The following SBF2 variants were observed in gnomAD, a reference collection of about 807,000 sequenced individuals.
SBF2 encodes myotubularin-related protein 13.
SBF2 carries 112 observed loss-of-function variants against 225.2 expected under a neutral mutation model. The observed-to-expected ratio is 0.50, with a 90% CI of 0.43 to 0.58. The LOEUF is 0.58. SBF2 is among the 20% of genes least tolerant of loss of function. The pLI is 0.00. For synonymous variants in SBF2, 763 were observed against 773.3 expected, an observed-to-expected ratio of 0.99 and a Z score of 0.22; for missense variants, 1,996 against 2,206.2, an observed-to-expected ratio of 0.90 and a Z score of 1.91.
At chr11:9,932,956 G>GAAA (rs1590510467) in intron 16 of SBF2, among the ~76,000 whole-genome samples, 1 of 5,386 alleles carries the variant, frequency 1.9e-4, no homozygotes, top group East Asian at 9.1e-3. Flanking sequence ...CAAACGAAAA[G>GAAA]CAAAAAAAAA....
chr11:9,961,398 C>G (rs1251501160), intron 16 of SBF2: 1 of 152,470 alleles, frequency 6.6e-6, no homozygotes, highest in Non-Finnish European at 1.5e-5. Flanking sequence ...CATAGACTCT[C>G]TAACAAGGGA....
At chr11:10,013,262 G>T (rs777608038) in intron 6 of SBF2, among the ~76,000 whole-genome samples, 22 of 152,066 alleles carry the variant, frequency 1.4e-4, no homozygotes, top group Non-Finnish European at 2.6e-4. Context: ...TACTTTTACC[G>T]ATAATGATGC....
At chr11:10,033,582 C>T (rs1474373201) in intron 3 of SBF2, among the ~76,000 whole-genome samples, 2 of 151,978 alleles carry the variant, frequency 1.3e-5, no homozygotes, top group African/African-American at 4.8e-5. Context: ...TTCAATATCT[C>T]TCCTATAAGA....
chr11:9,940,431 A>G (rs1189081289), intron 16 of SBF2, among the ~76,000 whole-genome samples: 1 of 152,180 alleles, frequency 6.6e-6, no homozygotes, highest in Non-Finnish European at 1.5e-5. Context: ...TAAAGTACAT[A>G]CTATGCTAAA....
chr11:10,207,311 T>G (rs1030998912), intron 1 of SBF2, among the ~76,000 whole-genome samples: 1 of 151,896 alleles, frequency 6.6e-6, no homozygotes, highest in Non-Finnish European at 1.5e-5. Flanking sequence ...CAAAAAAAAC[T>G]ACACTAACAT....
intron 16 of SBF2, among the ~76,000 whole-genome samples, chr11:9,946,260 A>AT (rs1169945208): frequency 1.3e-5 from 2 of 152,192 alleles, no homozygotes; most frequent in African/African-American, 4.8e-5. Flanking sequence ...CCATACAAAA[A>AT]TGAAATCACG....
chr11:10,219,278 C>T (rs1958250597), intron 1 of SBF2, among the ~76,000 whole-genome samples: 1 of 152,232 alleles, frequency 6.6e-6, no homozygotes, highest in Non-Finnish European at 1.5e-5. Flanking sequence ...GCTGCCAAGG[C>T]TTGAGGCTTG....
intron 2 of SBF2, among the ~76,000 whole-genome samples, chr11:10,099,816 C>G (rs1379620897): frequency 6.6e-6 from 1 of 151,414 alleles, no homozygotes; most frequent in Non-Finnish European, 1.5e-5. Context: ...CTTATGAAAA[C>G]CAAACACACA....
At chr11:9,921,927 G>A (rs1863662684) in intron 16 of SBF2, among the ~76,000 whole-genome samples, 2 of 152,180 alleles carry the variant, frequency 1.3e-5, no homozygotes, top group Admixed American at 1.3e-4. Context: ...TTATAGAAGA[G>A]GGAGTGATTC....
At chr11:10,103,474 T>C (rs1050612777) in intron 2 of SBF2, among the ~76,000 whole-genome samples, 1 of 152,218 alleles carries the variant, frequency 6.6e-6, no homozygotes, top group Non-Finnish European at 1.5e-5. Context: ...TGACTTAGTA[T>C]ATGGTACCAG....
At chr11:10,069,423 CTT>C (rs1317778209) in intron 2 of SBF2, among the ~76,000 whole-genome samples, 1 of 149,236 alleles carries the variant, frequency 6.7e-6, no homozygotes, top group Non-Finnish European at 1.5e-5. Context: ...GGTTTTCTGT[CTT>C]TGTTACAGTT....
chr11:9,785,154 G>A lies in SBF2; in HGVS notation c.5202C>T (p.Ser1734=), dbSNP rs1852286523. 7 of 1,613,358 alleles carry A rather than the reference G, an allele frequency of 4.3e-6. No individual in the cohort carries two copies. Among genetic ancestry groups the A allele is most frequent in the Non-Finnish European group, 4.2e-6 (5 of 1,180,032 alleles). ...TTTCATCATTCTTGGATGTATACTG[G>A]CTATAGAGCGTGGCTGCTCTTCGCT... The part of the protein sequence containing the change: ...GVERRAATLY[S]QYTSKNDENR... Residue 1734 remains serine, a synonymous_variant, in exon 37 of 40, where the codon AGC becomes AGT. Coordinates refer to ENST00000256190, the MANE Select transcript of SBF2 (RefSeq NM_030962.4).
intron 1 of SBF2, among the ~76,000 whole-genome samples, chr11:10,237,765 C>T (rs1959134066): frequency 6.6e-6 from 1 of 152,200 alleles, no homozygotes; most frequent in Non-Finnish European, 1.5e-5. Flanking sequence ...TTGCCTTCTA[C>T]CTGTTCCTAC....
intron 17 of SBF2, among the ~76,000 whole-genome samples, chr11:9,885,068 T>C (rs915529338): frequency 6.6e-6 from 1 of 151,660 alleles, no homozygotes; most frequent in Non-Finnish European, 1.5e-5. Flanking sequence ...CTGGCCAACA[T>C]GGTAAAACCC....
intron 1 of SBF2, among the ~76,000 whole-genome samples, chr11:10,248,702 A>T (rs1960037179): frequency 6.6e-6 from 1 of 152,240 alleles, no homozygotes; most frequent in Non-Finnish European, 1.5e-5. Context: ...GGGAATGTGA[A>T]TTTTTTGCCT....
At chr11:10,165,837 T>A (rs1955926611) in intron 2 of SBF2, among the ~76,000 whole-genome samples, 1 of 152,226 alleles carries the variant, frequency 6.6e-6, no homozygotes, top group Admixed American at 6.5e-5. Context: ...AATATGTATG[T>A]ATTTTAATAC....
At chr11:10,174,860 C>T (rs1956382920) in intron 2 of SBF2, among the ~76,000 whole-genome samples, 1 of 151,158 alleles carries the variant, frequency 6.6e-6, no homozygotes, top group Non-Finnish European at 1.5e-5. Context: ...CAATATTCAA[C>T]ATTCTTAAAG....
intron 2 of SBF2, among the ~76,000 whole-genome samples, chr11:10,107,828 T>G (rs1952617714): frequency 6.6e-6 from 1 of 152,208 alleles, no homozygotes; most frequent in Non-Finnish European, 1.5e-5. Flanking sequence ...CAAAGATGGT[T>G]TTTTTCCAAA....
chr11:9,908,751 G>C (rs949455002), intron 16 of SBF2, among the ~76,000 whole-genome samples: 18 of 152,084 alleles, frequency 1.2e-4, no homozygotes, highest in African/African-American at 3.4e-4. Flanking sequence ...AGGCTGAAGT[G>C]CGGTGGTGTG....
Sources: gnomAD v4.1 joint callset for allele counts (sites outside exome capture counted in the v4.1 genomes callset) on GRCh38, gnomAD v4.1.1 for gene constraint, MANE v1.5 for transcripts, NCBI Gene and HGNC (gene_info 2026-07-23, HGNC 2026-07-21) for gene names.